Variants in DDX47 observed in about 807,000 individuals in gnomAD.
DDX47 encodes the protein DEAD-box helicase 47, also known as probable ATP-dependent RNA helicase DDX47.
DDX47 carries 60 observed loss-of-function variants against 58.8 expected under a neutral mutation model. The ratio of observed to expected loss-of-function variants is 1.02; its 90% CI spans 0.83 to 1.26. DDX47 has a LOEUF of 1.26. Among genes scored for constraint, DDX47 ranks in the 50% most tolerant of loss-of-function variants. The pLI is 0.00. For missense variants in DDX47, 530 were observed against 573.2 expected (o/e 0.92, Z 0.77); for synonymous variants, 197 against 204.6 (o/e 0.96, Z 0.32).
Position 12,827,323 on chromosome 12 carries a change from A to G in DDX47, c.1184A>G (p.Glu395Gly), listed in dbSNP as rs778577827. 2 of 1,614,048 alleles carry G rather than the reference A, an allele frequency of 1.2e-6. No individual in the cohort carries two copies. The highest frequency in any genetic ancestry group is 3.3e-5 in the Admixed American group (2 of 59,998). ...CCAGGTTTTCCAACACAGGATGATG[A>G]GGTTATGATGCTGACAGAACGCGTC... Reference protein sequence around the residue: ...KLPGFPTQDDEVMMLTERVAE... With the variant: ...KLPGFPTQDDGVMMLTERVAE... The change falls in exon 11 of 12, where the codon GAG becomes GGG. Residue 395 changes from glutamate (E) to glycine (G), a missense_variant. Coordinates refer to ENST00000358007, the MANE Select transcript of DDX47 (RefSeq NM_016355.4).
At position 12,826,081 on chromosome 12, in the gene DDX47, C is replaced by T; in HGVS notation, c.1106+11C>T. On this transcript the variant is annotated intron_variant, in intron 10 of 11. Transcript: ENST00000358007. ...TACTTTTGTCACACAGTAAGTAAATCAGCTTTAGGGCCGAGCAATGTAGAG... is the reference window on the plus strand; with the variant it reads ...TACTTTTGTCACACAGTAAGTAAATTAGCTTTAGGGCCGAGCAATGTAGAG... 6.2e-7 allele frequency: 1 copy of T among 1,612,148 alleles called. No homozygotes were observed. Among genetic ancestry groups the T allele is most frequent in the Non-Finnish European group, 8.5e-7 (1 of 1,178,896 alleles).
chr12:12,813,662 C>T (rs1329366608), intron 1 of DDX47: 22 of 599,494 alleles, frequency 3.7e-5, no homozygotes, highest in South Asian at 1.4e-4. Context: ...CCCTATTTGC[C>T]CTATTCGCCA....
At chr12:12,829,085 T>A (rs927065750) in intron 11 of DDX47, among the ~76,000 whole-genome samples, 43 of 152,312 alleles carry the variant, frequency 2.8e-4, no homozygotes, top group African/African-American at 9.9e-4. Flanking sequence ...TCATACAGAA[T>A]GCCAAATTGT....
chr12:12,824,048 C>G, intron 8 of DDX47, 32 bp downstream of exon 8: 1 of 1,603,618 alleles, frequency 6.2e-7, no homozygotes, highest in South Asian at 1.1e-5. Flanking sequence ...CAGCCATGCA[C>G]TGGTGGCGTG....
chr12:12,828,635 T>G (rs957991756), intron 11 of DDX47, among the ~76,000 whole-genome samples: 6 of 152,198 alleles, frequency 3.9e-5, no homozygotes, highest in Non-Finnish European at 7.3e-5. Context: ...AGGTGCACAT[T>G]TGGTTTTTAT....
In DDX47 at chr12:12,813,374, G is replaced by A; in HGVS notation, c.7G>A (p.Ala3Thr). 6.2e-7 allele frequency: 1 copy of A among 1,613,148 alleles called. No homozygotes were observed. Among genetic ancestry groups the A allele is most frequent in the South Asian group, 1.1e-5 (1 of 90,866 alleles). Residue 3 changes from alanine to threonine, a missense_variant, in exon 1 of 12, where the codon GCA (alanine) becomes ACA (threonine). Coordinates refer to ENST00000358007, the MANE Select transcript of DDX47 (RefSeq NM_016355.4). Reference protein sequence around the residue: MAAPEEHDSPTEA... With the variant: MATPEEHDSPTEA... ...TCCGGAGACCTCACACAAGATGGCG[G>A]CACCCGAGGAACACGATTCTCCGAC...
chr12:12,819,851 C>T (rs1298318245), intron 2 of DDX47, among the ~76,000 whole-genome samples: 1 of 152,166 alleles, frequency 6.6e-6, no homozygotes, highest in East Asian at 1.9e-4. Context: ...GTGCTCATTC[C>T]TGGCCTCAGT....
intron 6 of DDX47, 141 bp from the exon 7 acceptor site, chr12:12,823,062 A>G (rs1242443071): frequency 3.4e-5 from 23 of 676,746 alleles, no homozygotes; most frequent in Middle Eastern, 2.8e-4. Context: ...CTGTGATCCA[A>G]TAACCTCCCA....
At chr12:12,818,364 A>G (rs1186812549) in intron 2 of DDX47, among the ~76,000 whole-genome samples, 1 of 152,140 alleles carries the variant, frequency 6.6e-6, no homozygotes, top group Non-Finnish European at 1.5e-5. Context: ...TACTAAAAAT[A>G]CAAAAAATTA....
intron 2 of DDX47, chr12:12,820,200 T>G (rs974334619): frequency 3.3e-5 from 5 of 152,208 alleles, no homozygotes; most frequent in African/African-American, 1.2e-4. Context: ...AGTTGTGGCT[T>G]GAGTGGTGAT....
At position 12,822,037 on chromosome 12, in the gene DDX47, T is replaced by A; in HGVS notation, c.515T>A (p.Val172Asp). 6.2e-7 allele frequency: 1 copy of A among 1,614,080 alleles called. No homozygotes were observed. The highest frequency in any genetic ancestry group is 8.5e-7 in the Non-Finnish European group (1 of 1,179,966). ...GFNLRALKYL[V>D]MDEADRILNM... ...AACTTGAGAGCTCTCAAATACTTGG[T>A]CATGGATGAAGCCGACCGAATACTG... Residue 172 changes from valine (V) to aspartate (D), a missense_variant, in exon 5 of 12, where the codon GTC becomes GAC. Physicochemically the swap from Val to Asp is radical, Grantham distance 152. Transcript: ENST00000358007.
chr12:12,815,101 T>C (rs577569456), intron 2 of DDX47, among the ~76,000 whole-genome samples: 1 of 152,194 alleles, frequency 6.6e-6, no homozygotes, highest in Non-Finnish European at 1.5e-5. Flanking sequence ...CTGAAATCTA[T>C]TAAGATCCTC....
At chr12:12,821,122 A>G in intron 2 of DDX47, 86 bp from the exon 3 acceptor site, 2 of 1,368,164 alleles carry the variant, frequency 1.5e-6, no homozygotes, top group Non-Finnish European at 1.0e-6. Context: ...TTAAGCGTCT[A>G]CTTTGTGCCC....
At chr12:12,827,179 A>G (rs756149262) in intron 10 of DDX47, 67 bp from the exon 11 acceptor site, 2 of 1,565,116 alleles carry the variant, frequency 1.3e-6, no homozygotes, top group South Asian at 1.2e-5. Flanking sequence ...TCATATAATA[A>G]TAGTTTGGGA....
At chr12:12,827,872 T>TTC (rs972745661) in intron 11 of DDX47, among the ~76,000 whole-genome samples, 2 of 139,130 alleles carry the variant, frequency 1.4e-5, no homozygotes, top group African/African-American at 2.7e-5. Flanking sequence ...AACTTTTCTT[T>TTC]TTTCTTTTTT....
At chr12:12,823,801 G>A in intron 7 of DDX47, 69 bp from the exon 8 acceptor site, 4 of 1,481,226 alleles carry the variant, frequency 2.7e-6, no homozygotes, top group East Asian at 2.3e-5. Context: ...TTTACCTTAT[G>A]TATATGCCAG....
In DDX47 at chr12:12,821,396, GGTAA is replaced by G; in HGVS notation, c.370+3_370+6del. ...GGGGTCCTCTATTGGAGTGCAGAGT[GGTAA>G]GTGTCTGAGAGGGAAGGGATCCTAG... On this transcript the variant is annotated splice_donor_variant and splice_donor_region_variant and intron_variant, in intron 3 of 11. Coordinates refer to ENST00000358007, the MANE Select transcript of DDX47 (RefSeq NM_016355.4). LOFTEE classifies it high-confidence loss of function. The G allele has an allele frequency of 1.2e-6, 2 of 1,614,180 alleles. No homozygotes were observed. The highest frequency in any genetic ancestry group is 1.7e-6 in the Non-Finnish European group (2 of 1,180,016).
chr12:12,813,367 G>T lies in DDX47; in HGVS notation c.-1G>T. The T allele has an allele frequency of 6.2e-7, 1 of 1,613,158 alleles. No individual in the cohort carries two copies. The highest frequency in any genetic ancestry group is 8.5e-7 in the Non-Finnish European group (1 of 1,179,560). On this transcript the variant is annotated 5_prime_UTR_variant, in exon 1 of 12. Coordinates refer to ENST00000358007, the MANE Select transcript of DDX47 (RefSeq NM_016355.4). Reference sequence around the variant, plus strand: ...ACCCACTTCCGGAGACCTCACACAAGATGGCGGCACCCGAGGAACACGATT... The same window carrying T: ...ACCCACTTCCGGAGACCTCACACAATATGGCGGCACCCGAGGAACACGATT...
At position 12,821,891 on chromosome 12, in the gene DDX47, A is replaced by G. The variant is rs965718836; in HGVS notation, c.443-74A>G. ...GCTGTGGGGTGGGGCAGATAACTTT[A>G]TTTGTTTATTTGTTTTGTTTTTTTT... is the stretch of plus-strand genomic sequence containing the variant. On this transcript the variant is annotated intron_variant, in intron 4 of 11. Coordinates refer to ENST00000358007, the MANE Select transcript of DDX47 (RefSeq NM_016355.4). The G allele has an allele frequency of 1.1e-4, 135 of 1,219,204 alleles. 1 individual carries two copies. The Admixed American group carries it at 2.5e-3, about 22-fold the overall frequency. 75.5% of individuals were successfully genotyped at this position (1,219,204 alleles called of 1,614,324 possible). A position where few individuals can be genotyped will look rare whatever the true frequency, so the allele number is the denominator to read the frequency against.
Sources: allele counts gnomAD v4.1 joint callset (sites outside exome capture counted in the v4.1 genomes callset), GRCh38; gene constraint gnomAD v4.1.1; transcripts MANE v1.5; gene names NCBI Gene and HGNC (gene_info 2026-07-23, HGNC 2026-07-21).